The following BCL11B variants were observed in gnomAD, a reference collection of about 807,000 sequenced individuals.
The protein encoded by BCL11B is B-cell lymphoma/leukemia 11B.
In BCL11B, 8 loss-of-function variants were observed where a neutral mutation model predicts 49.9. That is an observed-to-expected ratio of 0.16 (90% CI 0.09 to 0.29). The LOEUF (loss-of-function observed/expected upper bound fraction) is 0.29, where lower values mean the gene tolerates loss of function less well. Among genes scored for constraint, BCL11B ranks in the 10% least tolerant of loss-of-function variants. The pLI is 1.00. For synonymous variants in BCL11B, 739 were observed against 637.4 expected (o/e 1.16, Z -2.40); for missense variants, 1,006 against 1,351.0 (o/e 0.74, Z 4.00).
chr14:99,187,146 GT>G (rs1279637692), intron 3 of BCL11B, among the ~76,000 whole-genome samples: 2 of 152,292 alleles, frequency 1.3e-5, no homozygotes, highest in African/African-American at 4.8e-5. Context: ...CAGGTGTGCA[GT>G]TTCAGGCTCA....
intron 2 of BCL11B, among the ~76,000 whole-genome samples, chr14:99,256,799 A>C (rs1006151824): frequency 1.3e-5 from 2 of 152,124 alleles, no homozygotes; most frequent in African/African-American, 2.4e-5. Context: ...GGGCATATCC[A>C]ACCTCCCCCA....
At chr14:99,179,573 G>A (rs1386925274) in intron 3 of BCL11B, among the ~76,000 whole-genome samples, 1 of 150,954 alleles carries the variant, frequency 6.6e-6, no homozygotes, top group Non-Finnish European at 1.5e-5. Flanking sequence ...TGAGAAGAGC[G>A]ATGTTTATTC....
At position 99,190,802 on chromosome 14, in the gene BCL11B, G is replaced by A. The variant is rs1019848743; in HGVS notation, c.641-14607C>T. 2.6e-5 allele frequency among the ~76,000 whole-genome samples: 4 copies of A among 152,264 alleles called. No homozygotes were observed. In the South Asian group the frequency reaches 8.3e-4, roughly 32 times the overall value. The stretch of plus-strand genomic sequence containing the variant: ...TATTTCAGAGAAAAACTGCTCGACT[G>A]TTTGAAGGTACAGATGTCTGACCTA... On this transcript the variant is annotated intron_variant, in intron 3 of 3. Transcript: ENST00000357195.
Position 99,231,441 on chromosome 14 carries a change from G to A in BCL11B, c.544C>T (p.Pro182Ser). 6.3e-7 allele frequency: 1 copy of A among 1,597,524 alleles called. No homozygotes were observed. The highest frequency in any genetic ancestry group is 8.5e-7 in the Non-Finnish European group (1 of 1,171,538). ...RALGALPPCL[P>S]LPCCSARPVS... The stretch of plus-strand genomic sequence containing the variant: ...GGGCGCGCGCTGCAGCACGGCAGGG[G>A]GAGGCAGGGCGGGAGAGCGCCCAGG... The change falls in exon 3 of 4, where the codon CCC (proline) becomes TCC (serine). Residue 182 changes from proline (P) to serine (S), a missense_variant. By Grantham distance (74) the Pro-to-Ser change is moderately conservative (BLOSUM62 -1). Around this residue, in one of 6 missense-constraint regions of BCL11B, gnomAD observed 411 missense variants for 542.2 expected, o/e 0.76. Coordinates refer to ENST00000357195, the MANE Select transcript of BCL11B (RefSeq NM_138576.4). This position sits in a 1 kb window ranked among gnomAD's most constrained non-coding sequence, Gnocchi z 8.1.
In BCL11B at chr14:99,257,032, C is replaced by A. The variant is rs1889184189; in HGVS notation, c.427+439G>T. 6.6e-6 allele frequency among the ~76,000 whole-genome samples: 1 copy of A among 152,188 alleles called. No individual in the cohort carries two copies. Among genetic ancestry groups the A allele is most frequent in the South Asian group, 2.1e-4 (1 of 4,816 alleles). Reference sequence around the variant, plus strand: ...AACAGCTCATTCGTCCTCACAGCAACCCTAATGAGGTGGGTTTCCTTAGCT... The same window carrying A: ...AACAGCTCATTCGTCCTCACAGCAAACCTAATGAGGTGGGTTTCCTTAGCT... On this transcript the variant is annotated intron_variant, in intron 2 of 3. Coordinates refer to ENST00000357195, the MANE Select transcript of BCL11B (RefSeq NM_138576.4). The surrounding 1 kb of genome is among the most constrained non-coding windows in gnomAD (Gnocchi z 6.2).
rs745988091 is a variant in BCL11B, at chr14:99,174,134, C to T, written c.*17G>A. On this transcript the variant is annotated 3_prime_UTR_variant, in exon 4 of 4. Coordinates refer to ENST00000357195, the MANE Select transcript of BCL11B (RefSeq NM_138576.4). ...ACGGTTCCACTGTACAGGTGCGGGG[C>T]GCCGGGGCCCGCGCGCTTAGCTCCT... is the stretch of plus-strand genomic sequence containing the variant. 2.0e-5 allele frequency: 32 copies of T among 1,604,854 alleles called. No individual in the cohort carries two copies. In the Admixed American group the frequency reaches 4.3e-4, roughly 22 times the overall value.
At position 99,192,074 on chromosome 14, in the gene BCL11B, G is replaced by C. The variant is rs185481238; in HGVS notation, c.641-15879C>G. 6.6e-6 allele frequency among the ~76,000 whole-genome samples: 1 copy of C among 152,120 alleles called. No homozygotes were observed. Among genetic ancestry groups the C allele is most frequent in the East Asian group, 1.9e-4 (1 of 5,194 alleles). On this transcript the variant is annotated intron_variant, in intron 3 of 3. Transcript: ENST00000357195. The surrounding 1 kb of genome is among the most constrained non-coding windows in gnomAD (Gnocchi z 4.0). Reference sequence around the variant, plus strand: ...AGGCCTTCAAGAACGTGCTAGCTCCGGAATATTTTTAGAACAATCACTGGA... The same window carrying C: ...AGGCCTTCAAGAACGTGCTAGCTCCCGAATATTTTTAGAACAATCACTGGA...
At position 99,220,549 on chromosome 14, in the gene BCL11B, G is replaced by A. The variant is rs548033209; in HGVS notation, c.640+10796C>T. Among the ~76,000 whole-genome samples the A allele has an allele frequency of 2.6e-5, 4 of 152,284 alleles. No homozygotes were observed. The South Asian group carries it at 8.3e-4, about 32-fold the overall frequency. On this transcript the variant is annotated intron_variant, in intron 3 of 3. Transcript: ENST00000357195. ...AACCTAGAGTAGTCACATTCAGAGA[G>A]ACAGAACGGAGAATGGGGGGCTGGG... is the stretch of plus-strand genomic sequence containing the variant.
At chr14:99,270,321 A>C (rs1447042962) in intron 1 of BCL11B, among the ~76,000 whole-genome samples, 1 of 150,460 alleles carries the variant, frequency 6.6e-6, no homozygotes, top group Non-Finnish European at 1.5e-5. Flanking sequence ...TTTTTCTTTT[A>C]CTATTTTACA....
At chr14:99,201,275 G>A (rs536176381) in intron 3 of BCL11B, among the ~76,000 whole-genome samples, 4 of 152,286 alleles carry the variant, frequency 2.6e-5, no homozygotes, top group African/African-American at 4.8e-5. Context: ...AAGAGTGGTC[G>A]GTAGTTAAAA....
In BCL11B at chr14:99,175,631, G is replaced by C. The variant is rs1344790179; in HGVS notation, c.1205C>G (p.Pro402Arg). Reference protein sequence around the residue: ...LNPFQPSPKSPFLSTPPLPPM... With the variant: ...LNPFQPSPKSRFLSTPPLPPM... ...CGGCAGCGGCGGCGTGCTCAGGAAC[G>C]GGGACTTGGGGCTGGGCTGGAAGGG... The change falls in exon 4 of 4, where the codon CCG (proline) becomes CGG (arginine). Residue 402 changes from proline to arginine, a missense_variant. Pro to Arg is a moderately radical substitution (Grantham distance 103, BLOSUM62 -2). This residue lies in a region of BCL11B where 97 missense variants were observed against 81.5 expected (regional missense o/e 1.19). Transcript: ENST00000357195. 3 of 1,560,904 alleles carry C rather than the reference G, an allele frequency of 1.9e-6. No individual in the cohort carries two copies. The highest frequency in any genetic ancestry group is 2.6e-6 in the Non-Finnish European group (3 of 1,162,572).
rs1299428632 is a variant in BCL11B at position 99,173,769 on chromosome 14, A to G, written c.*382T>C. On this transcript the variant is annotated 3_prime_UTR_variant, in exon 4 of 4. Transcript: ENST00000357195. ...TTAAAAGATATGCTTCCCCTCTAAC[A>G]TTGCTTGCGAGTCATTGCTCAGGCT... 2 of 261,106 alleles carry G rather than the reference A, an allele frequency of 7.7e-6. No homozygotes were observed. Among genetic ancestry groups the G allele is most frequent in the East Asian group, 1.2e-4 (2 of 16,928 alleles). 16.2% of individuals were successfully genotyped at this position (261,106 alleles called of 1,614,324 possible).
chr14:99,260,529 G>C (rs1031333756), intron 1 of BCL11B, among the ~76,000 whole-genome samples: 1 of 152,140 alleles, frequency 6.6e-6, no homozygotes, highest in African/African-American at 2.4e-5. Context: ...TAATTCAAAA[G>C]AAACACAGAT....
chr14:99,234,012 G>A (rs1339681180), intron 2 of BCL11B, among the ~76,000 whole-genome samples: 2 of 152,156 alleles, frequency 1.3e-5, no homozygotes, highest in Admixed American at 1.3e-4. Flanking sequence ...CTTCCCAAGG[G>A]TGGAACTCAA....
In BCL11B at chr14:99,173,529, C is replaced by T; in HGVS notation, c.*622G>A. The T allele has an allele frequency of 4.8e-6, 1 of 209,610 alleles. No individual in the cohort carries two copies. Among genetic ancestry groups the T allele is most frequent in the Non-Finnish European group, 9.6e-6 (1 of 104,348 alleles). 13.0% of individuals were successfully genotyped at this position (209,610 alleles called of 1,614,324 possible). A position where few individuals can be genotyped will look rare whatever the true frequency, so the allele number is the denominator to read the frequency against. On this transcript the variant is annotated 3_prime_UTR_variant, in exon 4 of 4. Transcript: ENST00000357195. ...AAGATTGTTATCCGCTGTACATCCA[C>T]ACCCCCCACCCCAAAAACAAAAACC...
At position 99,271,314 on chromosome 14, in the gene BCL11B, TGCCGCCGCCGCCGCC is replaced by T. The variant is rs537810518; in HGVS notation, c.-111_-97del. The T allele has an allele frequency of 6.4e-5, 54 of 849,270 alleles. 6 individuals carry two copies. In the Admixed American group the frequency reaches 2.1e-3, roughly 34 times the overall value. 52.6% of individuals were successfully genotyped at this position (849,270 alleles called of 1,614,324 possible). A position where few individuals can be genotyped will look rare whatever the true frequency, so the allele number is the denominator to read the frequency against. Reference sequence around the variant, plus strand: ...GCCGCCGCCGCGCCGCTGCCGCCGCTGCCGCCGCCGCCGCCGCCGCCGCACCTCCTCCTCTGCCCG... The same window carrying T: ...GCCGCCGCCGCGCCGCTGCCGCCGCTGCCGCCGCACCTCCTCCTCTGCCCG... On this transcript the variant is annotated 5_prime_UTR_variant, in exon 1 of 4. Transcript: ENST00000357195.
In BCL11B at chr14:99,184,818, C is replaced by T. The variant is rs1048693824; in HGVS notation, c.641-8623G>A. Among the ~76,000 whole-genome samples, 1 of 152,188 alleles carries T rather than the reference C, an allele frequency of 6.6e-6. No homozygotes were observed. The highest frequency in any genetic ancestry group is 2.4e-5 in the African/African-American group (1 of 41,448). On this transcript the variant is annotated intron_variant, in intron 3 of 3. Coordinates refer to ENST00000357195, the MANE Select transcript of BCL11B (RefSeq NM_138576.4). This position sits in a 1 kb window ranked among gnomAD's most constrained non-coding sequence, Gnocchi z 6.1. The stretch of plus-strand genomic sequence containing the variant: ...CACACAGCGAGAAAACCTCGCTCAC[C>T]CCATAGTGTTGGGTGACCGTCCACT...
rs964727989 is a variant in BCL11B, at chr14:99,178,662, T to G, written c.641-2467A>C. Among the ~76,000 whole-genome samples the G allele has an allele frequency of 5.3e-5, 8 of 152,168 alleles. No homozygotes were observed. The East Asian group carries it at 1.5e-3, about 29-fold the overall frequency. ...TATTTAGACGACTCCTCACACCCTTTTTGGGAACAAGGCAGAATAAATAAG... is the reference window on the plus strand; with the variant it reads ...TATTTAGACGACTCCTCACACCCTTGTTGGGAACAAGGCAGAATAAATAAG... On this transcript the variant is annotated intron_variant, in intron 3 of 3. Coordinates refer to ENST00000357195, the MANE Select transcript of BCL11B (RefSeq NM_138576.4).
chr14:99,233,657 T>C (rs1888402495), intron 2 of BCL11B, among the ~76,000 whole-genome samples: 1 of 152,166 alleles, frequency 6.6e-6, no homozygotes, highest in Admixed American at 6.5e-5. Flanking sequence ...GGAGGAACCG[T>C]TGCAGAGCAG....
Sources: allele counts gnomAD v4.1 joint callset (sites outside exome capture counted in the v4.1 genomes callset), GRCh38; gene constraint gnomAD v4.1.1; regional missense constraint gnomAD v4.1.1; non-coding constraint Gnocchi (gnomAD v3.1); transcripts MANE v1.5; gene names NCBI Gene and HGNC (gene_info 2026-07-23, HGNC 2026-07-21).